The following IZUMO2 variants were observed in gnomAD, a reference collection of about 807,000 sequenced individuals.
The protein encoded by IZUMO2 is IZUMO family member 2, also known as izumo sperm-egg fusion protein 2.
Under a neutral mutation model 31.2 loss-of-function variants are expected in IZUMO2, and 24 were observed. The ratio of observed to expected loss-of-function variants is 0.77; its 90% confidence interval spans 0.56 to 1.08. IZUMO2 has a LOEUF of 1.08. IZUMO2 is among the 50% of genes least tolerant of loss of function. The pLI is 0.00. For synonymous variants in IZUMO2, 144 were observed against 117.3 expected, an observed-to-expected ratio of 1.23 and a Z score of -1.47; for missense variants, 278 against 274.0, an observed-to-expected ratio of 1.01 and a Z score of -0.10.
chr19:50,158,380 G>A (rs763191887), intron 4 of IZUMO2, 32 bp from the exon 5 acceptor site: 25 of 1,450,530 alleles, frequency 1.7e-5, no homozygotes, highest in Non-Finnish European at 2.2e-5. Flanking sequence ...AGTAAGACAA[G>A]GGCAGATATC....
chr19:50,156,894 T>C (rs1013253315), intron 5 of IZUMO2, among the ~76,000 whole-genome samples: 1 of 152,214 alleles, frequency 6.6e-6, no homozygotes, highest in Non-Finnish European at 1.5e-5. Flanking sequence ...AAAAATATTC[T>C]GGGGACAATT....
chr19:50,162,647 G>A, intron 2 of IZUMO2, 92 bp downstream of exon 2: 2 of 1,073,794 alleles, frequency 1.9e-6, no homozygotes, highest in Non-Finnish European at 1.4e-6. Flanking sequence ...CATTGCATGC[G>A]TGTTTGCTCT....
chr19:50,162,688 C>G (rs1478292257), intron 2 of IZUMO2, 51 bp downstream of exon 2: 2 of 1,441,686 alleles, frequency 1.4e-6, no homozygotes, highest in East Asian at 2.3e-5. Context: ...GTGGGGCAGA[C>G]CGGCGGAAAG....
Position 50,163,029 on chromosome 19 carries a change from C to G in IZUMO2, c.166G>C (p.Val56Leu), listed in dbSNP as rs374769014. ...AAAGGCCCCTCCATGCCCATCAGCA[C>G]GGCCCCGGCGCGCGCCTGCAGCTGC... ...LEQLQARAGA[V>L]LMGMEGPFFR... Residue 56 changes from valine (V) to leucine (L), a missense_variant, in exon 1 of 7, where the codon GTG becomes CTG. Transcript: ENST00000293405. 2 of 1,612,382 alleles carry G rather than the reference C, an allele frequency of 1.2e-6. No homozygotes were observed. Among genetic ancestry groups the G allele is most frequent in the Non-Finnish European group, 1.7e-6 (2 of 1,179,038 alleles).
chr19:50,154,752 G>A (rs377284004), intron 5 of IZUMO2, 26 bp from the exon 6 acceptor site: 12 of 1,610,870 alleles, frequency 7.4e-6, no homozygotes, highest in South Asian at 5.5e-5. Flanking sequence ...AAACAGCCCC[G>A]ACCTCCACGT....
Position 50,163,077 on chromosome 19 carries a change from T to G in IZUMO2, c.118A>C (p.Ile40Leu), listed in dbSNP as rs755254465. ...TGCTCCAACTGGAAGCGACTGGGGA[T>G]GAGGGCGGAGCGCAGGTGACCCAGG... ...EALGHLRSAL[I>L]PSRFQLEQLQ... The change falls in exon 1 of 7, where the codon ATC becomes CTC. Residue 40 changes from isoleucine (I) to leucine (L), a missense_variant. Transcript: ENST00000293405. The G allele has an allele frequency of 6.2e-7, 1 of 1,613,268 alleles. No homozygotes were observed. Among genetic ancestry groups the G allele is most frequent in the East Asian group, 2.2e-5 (1 of 44,844 alleles).
At chr19:50,154,468 AAGAG>A (rs998946265) in intron 6 of IZUMO2, 128 bp downstream of exon 6, 9 of 785,178 alleles carry the variant, frequency 1.1e-5, no homozygotes, top group Admixed American at 2.7e-5. Context: ...CAGAGAGAAA[AAGAG>A]AGACAGAGAC....
rs757080065 is a variant in IZUMO2 at position 50,158,328 on chromosome 19, A to G, written c.436T>C (p.Leu146=). 2.4e-5 allele frequency: 38 copies of G among 1,611,452 alleles called. No individual in the cohort carries two copies. The highest frequency in any genetic ancestry group is 3.2e-5 in the Non-Finnish European group (38 of 1,178,416). ...KLCRLLKEEV[L]DCLHCQRITP... ...ATCCTCTGGCAATGTAAACAGTCCA[A>G]CACCTCTTCTTTTAGCAAGCCTAGG... The change falls in exon 5 of 7, where the codon TTG becomes CTG. Residue 146 remains leucine (L), a synonymous_variant. Coordinates refer to ENST00000293405, the MANE Select transcript of IZUMO2 (RefSeq NM_152358.3).
chr19:50,154,264 GTTTTT>G lies in IZUMO2; in HGVS notation c.623+331_623+335del, dbSNP rs71180675. On this transcript the variant is annotated intron_variant, in intron 6 of 6. Coordinates refer to ENST00000293405, the MANE Select transcript of IZUMO2 (RefSeq NM_152358.3). ...GCATCCACCAAATATAACTTTTAGC[GTTTTT>G]TTTTTTTTTTTTTTTTTTTTTTTTT... 1.5e-3 allele frequency among the ~76,000 whole-genome samples: 115 copies of G among 79,286 alleles called. 6 individuals are homozygous for G. The highest frequency in any genetic ancestry group is 6.7e-3 in the South Asian group (16 of 2,384). 52.0% of individuals were successfully genotyped at this position (79,286 alleles called of 152,430 possible).
At chr19:50,162,649 G>T in intron 2 of IZUMO2, 90 bp downstream of exon 2, 1 of 1,122,830 alleles carries the variant, frequency 8.9e-7, no homozygotes, top group Non-Finnish European at 1.4e-6. Flanking sequence ...TTGCATGCGT[G>T]TTTGCTCTTA....
intron 2 of IZUMO2, among the ~76,000 whole-genome samples, chr19:50,161,463 A>G (rs1481585758): frequency 6.6e-6 from 1 of 152,104 alleles, no homozygotes; most frequent in Non-Finnish European, 1.5e-5. Flanking sequence ...ATTCGTCAGC[A>G]TGACTGGCAA....
intron 5 of IZUMO2, among the ~76,000 whole-genome samples, chr19:50,155,749 G>A (rs549309154): frequency 6.6e-6 from 1 of 152,060 alleles, no homozygotes; most frequent in African/African-American, 2.4e-5. Flanking sequence ...AACCTAAGTC[G>A]GCTCCCTCTG....
chr19:50,161,917 CA>C (rs1555744378), intron 2 of IZUMO2, among the ~76,000 whole-genome samples: 1 of 152,160 alleles, frequency 6.6e-6, no homozygotes, highest in Non-Finnish European at 1.5e-5. Flanking sequence ...CGCTCCCCCC[CA>C]AAAAAATTTG....
chr19:50,154,097 A>G (rs1176639649), intron 6 of IZUMO2, among the ~76,000 whole-genome samples: 2 of 150,792 alleles, frequency 1.3e-5, no homozygotes, highest in Non-Finnish European at 3.0e-5. Flanking sequence ...CTCCCTAGGC[A>G]CAGGGCCTGG....
chr19:50,157,527 C>A (rs549741453), intron 5 of IZUMO2, among the ~76,000 whole-genome samples: 1 of 150,160 alleles, frequency 6.7e-6, no homozygotes, highest in East Asian at 2.1e-4. Flanking sequence ...TGGTCTCAAA[C>A]TCCTGACCTT....
At chr19:50,161,248 C>T (rs149115244) in intron 2 of IZUMO2, among the ~76,000 whole-genome samples, 12 of 152,084 alleles carry the variant, frequency 7.9e-5, no homozygotes, top group African/African-American at 2.9e-4. Flanking sequence ...CCTCAGCCTC[C>T]TGAGTAGCTG....
At chr19:50,162,873 C>T in intron 1 of IZUMO2, 60 bp from the exon 2 acceptor site, 4 of 1,601,744 alleles carry the variant, frequency 2.5e-6, no homozygotes, top group Non-Finnish European at 1.7e-6. Flanking sequence ...GTGACCTCAC[C>T]CCCTCCAGGC....
chr19:50,152,961 G>A (rs2030079285), intron 6 of IZUMO2, among the ~76,000 whole-genome samples: 1 of 152,128 alleles, frequency 6.6e-6, no homozygotes, highest in African/African-American at 2.4e-5. Flanking sequence ...AGTGGAAGCA[G>A]GTATAGTGGG....
chr19:50,158,187 G>T, intron 5 of IZUMO2, 81 bp downstream of exon 5: 1 of 862,068 alleles, frequency 1.2e-6, no homozygotes, highest in South Asian at 1.7e-5. Context: ...TGGGAGCCTC[G>T]AAACCCATAT....
Sources: allele counts gnomAD v4.1 joint callset (sites outside exome capture counted in the v4.1 genomes callset), GRCh38; gene constraint gnomAD v4.1.1; transcripts MANE v1.5; gene names NCBI Gene and HGNC (gene_info 2026-07-23, HGNC 2026-07-21).